Variants in PARM1 observed in about 807,000 individuals in gnomAD.
The protein encoded by PARM1 is WSC4, cell wall integrity and stress response component 4 homolog.
In PARM1, 14 loss-of-function variants were observed where a neutral mutation model predicts 24.6. That is an observed-to-expected ratio of 0.57 (90% CI 0.38 to 0.89). The LOEUF is 0.89. Ranked by LOEUF, PARM1 falls within the 40% of genes least tolerant of loss-of-function variation. PARM1 has a pLI of 0.00. For synonymous variants in PARM1, 179 were observed against 156.6 expected, an observed-to-expected ratio of 1.14 and a Z score of -1.07; for missense variants, 362 against 380.4, an observed-to-expected ratio of 0.95 and a Z score of 0.40.
chr4:74,937,626 A>C (rs1044973171), intron 1 of PARM1, among the ~76,000 whole-genome samples: 1 of 152,210 alleles, frequency 6.6e-6, no homozygotes, highest in African/African-American at 2.4e-5. Flanking sequence ...ATAGGTATAC[A>C]GTGCTGGAGA....
chr4:75,010,547 T>G (rs1333273684), intron 1 of PARM1, among the ~76,000 whole-genome samples: 2 of 152,216 alleles, frequency 1.3e-5, no homozygotes, highest in African/African-American at 2.4e-5. Flanking sequence ...AAAAAAATTT[T>G]TTTAAATAGA....
chr4:75,020,053 GA>G (rs1482105622), intron 2 of PARM1, among the ~76,000 whole-genome samples: 1 of 143,914 alleles, frequency 6.9e-6, no homozygotes, highest in Non-Finnish European at 1.5e-5. Context: ...TTTCAGAAGC[GA>G]AAAATGTATA....
At chr4:75,013,229 G>T in intron 2 of PARM1, 79 bp downstream of exon 2, 1 of 1,434,162 alleles carries the variant, frequency 7.0e-7, no homozygotes, top group Non-Finnish European at 9.3e-7. Context: ...CAAACACAAT[G>T]GAAAATTTGA....
intron 2 of PARM1, among the ~76,000 whole-genome samples, chr4:75,018,211 G>A (rs1337228961): frequency 6.6e-6 from 1 of 152,184 alleles, no homozygotes; most frequent in East Asian, 1.9e-4. Flanking sequence ...ATATGGCATA[G>A]TGAGTAACCT....
intron 1 of PARM1, among the ~76,000 whole-genome samples, chr4:74,976,388 G>A (rs1051076691): frequency 6.6e-6 from 1 of 152,148 alleles, no homozygotes; most frequent in South Asian, 2.1e-4. Context: ...CTCCTCACAG[G>A]GTGGGGCCTC....
intron 1 of PARM1, among the ~76,000 whole-genome samples, chr4:74,979,378 C>A (rs188379087): frequency 1.6e-4 from 24 of 152,088 alleles, no homozygotes; most frequent in Non-Finnish European, 3.4e-4. Flanking sequence ...GGATAAATTC[C>A]TGGACACATA....
At chr4:75,030,585 C>T (rs1723255971) in intron 2 of PARM1, among the ~76,000 whole-genome samples, 1 of 152,158 alleles carries the variant, frequency 6.6e-6, no homozygotes, top group African/African-American at 2.4e-5. Context: ...ATAGGCAGAA[C>T]ATGTTGGTAG....
intron 1 of PARM1, among the ~76,000 whole-genome samples, chr4:75,007,619 A>G (rs1198117794): frequency 6.6e-6 from 1 of 152,190 alleles, no homozygotes; most frequent in African/African-American, 2.4e-5. Flanking sequence ...GAGAAAGGCT[A>G]CATTCTTACT....
intron 1 of PARM1, among the ~76,000 whole-genome samples, chr4:74,941,436 G>A (rs961307431): frequency 6.6e-6 from 1 of 152,280 alleles, no homozygotes; most frequent in Admixed American, 6.5e-5. Context: ...AAAGTTTCAT[G>A]AGTCCAAGAA....
intron 1 of PARM1, among the ~76,000 whole-genome samples, chr4:74,995,293 G>A (rs546822859): frequency 6.6e-6 from 1 of 152,098 alleles, no homozygotes; most frequent in Non-Finnish European, 1.5e-5. Context: ...GCAGAAAGGC[G>A]ATTTAAGAGG....
chr4:75,019,081 G>A (rs1723040637), intron 2 of PARM1, among the ~76,000 whole-genome samples: 1 of 152,220 alleles, frequency 6.6e-6, no homozygotes, highest in Admixed American at 6.5e-5. Flanking sequence ...CTGTGCAGAA[G>A]AAGAGTTTTG....
chr4:74,959,259 C>T (rs1389320553), intron 1 of PARM1, among the ~76,000 whole-genome samples: 1 of 152,094 alleles, frequency 6.6e-6, no homozygotes, highest in Non-Finnish European at 1.5e-5. Flanking sequence ...CTTATCCTCC[C>T]CCCCATCACT....
chr4:74,969,855 G>A (rs1487454441), intron 1 of PARM1: 1 of 152,172 alleles, frequency 6.6e-6, no homozygotes, highest in Non-Finnish European at 1.5e-5. Context: ...TAGGGGTTTT[G>A]TTTTTCACTG....
intron 2 of PARM1, among the ~76,000 whole-genome samples, chr4:75,016,752 C>T (rs768354362): frequency 7.9e-5 from 12 of 152,096 alleles, no homozygotes; most frequent in Non-Finnish European, 2.9e-5. Flanking sequence ...TTATCCAGGT[C>T]GAGCACCTCA....
At chr4:74,934,022 A>G (rs571463923) in intron 1 of PARM1, among the ~76,000 whole-genome samples, 14 of 152,200 alleles carry the variant, frequency 9.2e-5, no homozygotes, top group Admixed American at 8.5e-4. Context: ...AGAAGAAACT[A>G]TTAACTTGGC....
intron 1 of PARM1, among the ~76,000 whole-genome samples, chr4:75,001,689 G>T (rs1371055672): frequency 1.3e-5 from 2 of 152,136 alleles, no homozygotes; most frequent in African/African-American, 4.8e-5. Context: ...ATGCTGACTG[G>T]CATCTTCGGT....
Position 75,044,061 on chromosome 4 carries a change from T to A in PARM1, c.849-2102T>A, listed in dbSNP as rs574290013. On this transcript the variant is annotated intron_variant, in intron 3 of 3. Coordinates refer to ENST00000307428, the MANE Select transcript of PARM1 (RefSeq NM_015393.4). Reference sequence around the variant, plus strand: ...TAGTTCTTTGCAAAAAAAAAAAAAATTGTCTTTTTGCAAATACCTGGCAGA... The same window carrying A: ...TAGTTCTTTGCAAAAAAAAAAAAAAATGTCTTTTTGCAAATACCTGGCAGA... Among the ~76,000 whole-genome samples the A allele has an allele frequency of 5.6e-3, 789 of 141,768 alleles. 9 individuals carry two copies. The highest frequency in any genetic ancestry group is 0.019 in the African/African-American group (733 of 38,602). 93.0% of individuals were successfully genotyped at this position (141,768 alleles called of 152,430 possible).
chr4:74,985,111 A>G (rs1294852011), intron 1 of PARM1, among the ~76,000 whole-genome samples: 1 of 152,228 alleles, frequency 6.6e-6, no homozygotes, highest in Non-Finnish European at 1.5e-5. Context: ...GAAGCATCAC[A>G]TGATACTGCC....
chr4:74,933,269 T>A lies in PARM1; in HGVS notation c.-59T>A. On this transcript the variant is annotated 5_prime_UTR_variant, in exon 1 of 4. Coordinates refer to ENST00000307428, the MANE Select transcript of PARM1 (RefSeq NM_015393.4). ...GTCGCTACCAGCGCCCAGTGCGCTC[T>A]GTCAGTCCGCAAACTCCTTGCCGCC... 1.3e-6 allele frequency: 2 copies of A among 1,504,850 alleles called. No individual in the cohort carries two copies. Among genetic ancestry groups the A allele is most frequent in the Non-Finnish European group, 1.8e-6 (2 of 1,085,650 alleles). The allele number at this position is 1,504,850 out of a possible 1,614,324, so 93.2% of individuals were successfully genotyped here. A position where few individuals can be genotyped will look rare whatever the true frequency, so the allele number is the denominator to read the frequency against.
Sources: gnomAD v4.1 joint callset for allele counts (sites outside exome capture counted in the v4.1 genomes callset) on GRCh38, gnomAD v4.1.1 for gene constraint, MANE v1.5 for transcripts, NCBI Gene and HGNC (gene_info 2026-07-23, HGNC 2026-07-21) for gene names.